PML: variants seen among roughly 807,000 people sequenced by gnomAD.
The protein encoded by PML is protein PML.
In PML, 28 loss-of-function variants were observed where a neutral mutation model predicts 65.2. The observed-to-expected ratio is 0.43, with a 90% CI of 0.32 to 0.59. The LOEUF (loss-of-function observed/expected upper bound fraction) is 0.59. PML is among the 20% of genes least tolerant of loss of function. The pLI, the probability that PML is intolerant of heterozygous loss-of-function variation, is 0.08. For missense variants in PML, 1,021 were observed against 1,203.4 expected, an observed-to-expected ratio of 0.85 and a Z score of 2.24; for synonymous variants, 500 against 508.8, an observed-to-expected ratio of 0.98 and a Z score of 0.23.
Position 74,022,916 on chromosome 15 carries a change from G to T in PML, c.691G>T (p.Ala231Ser). Residue 231 changes from alanine (A) to serine (S), a missense_variant, in exon 3 of 9, where the codon GCA (alanine) becomes TCA (serine). Transcript: ENST00000268058. ...SHSELKCDIS[A>S]EIQQRQEELD... ...CAGTGAGCTCAAGTGCGACATCAGC[G>T]CAGAGATCCAGCAGCGACAGGAGGA... is the stretch of plus-strand genomic sequence containing the variant. 6.2e-7 allele frequency: 1 copy of T among 1,612,778 alleles called. No individual in the cohort carries two copies. Among genetic ancestry groups the T allele is most frequent in the Non-Finnish European group, 8.5e-7 (1 of 1,179,558 alleles).
intron 2 of PML, among the ~76,000 whole-genome samples, chr15:74,020,462 C>T (rs948728139): frequency 6.6e-6 from 1 of 151,830 alleles, no homozygotes; most frequent in Non-Finnish European, 1.5e-5. Flanking sequence ...ATTCTTATCA[C>T]TGCCGGTGAG....
intron 2 of PML, among the ~76,000 whole-genome samples, chr15:74,002,021 A>C (rs1369161230): frequency 1.3e-5 from 2 of 151,916 alleles, no homozygotes; most frequent in Non-Finnish European, 2.9e-5. Context: ...AAAAAAAAGA[A>C]ATTTTTTTCT....
chr15:74,047,813 A>G lies in PML; in HGVS notation c.*2805A>G. 5.7e-6 allele frequency: 1 copy of G among 176,562 alleles called. No homozygotes were observed. The highest frequency in any genetic ancestry group is 9.6e-5 in the East Asian group (1 of 10,388). The allele number at this position is 176,562 out of a possible 1,614,324, so 10.9% of individuals were successfully genotyped here. On this transcript the variant is annotated 3_prime_UTR_variant, in exon 9 of 9. Coordinates refer to ENST00000268058, the MANE Select transcript of PML (RefSeq NM_033238.3). ...AAAATAAACACATTTTAGATCTTAG[A>G]AAAAAACAAAAAAACATGGGCTTGT...
At chr15:74,020,919 G>A (rs1453062872) in intron 2 of PML, among the ~76,000 whole-genome samples, 4 of 152,034 alleles carry the variant, frequency 2.6e-5, no homozygotes, top group Non-Finnish European at 5.9e-5. Context: ...AAGGATTCAC[G>A]TGATTACGTT....
In PML at chr15:74,042,722, C is replaced by G; in HGVS notation, c.1711-267C>G. 1 of 985,408 alleles carries G rather than the reference C, an allele frequency of 1.0e-6. No individual in the cohort carries two copies. Among genetic ancestry groups the G allele is most frequent in the Non-Finnish European group, 1.2e-6 (1 of 829,938 alleles). The allele number at this position is 985,408 out of a possible 1,614,324, so 61.0% of individuals were successfully genotyped here. A position where few individuals can be genotyped will look rare whatever the true frequency, so the allele number is the denominator to read the frequency against. On this transcript the variant is annotated intron_variant, in intron 7 of 8. Transcript: ENST00000268058. This position sits in a 1 kb window ranked among gnomAD's most constrained non-coding sequence, Gnocchi z 5.3. ...ACTTGGATTCATTCCCACACATGCACGTTCACAACCTGTGTGTGTCACCCT... is the reference window on the plus strand; with the variant it reads ...ACTTGGATTCATTCCCACACATGCAGGTTCACAACCTGTGTGTGTCACCCT...
chr15:74,006,407 A>AG (rs1555440234), intron 2 of PML, among the ~76,000 whole-genome samples: 58 of 151,068 alleles, frequency 3.8e-4, no homozygotes, highest in South Asian at 6.3e-4. Flanking sequence ...AAAAAAAAAA[A>AG]AAAGAAAGAA....
At chr15:74,039,881 G>A (rs2071657413) in intron 7 of PML, among the ~76,000 whole-genome samples, 1 of 152,178 alleles carries the variant, frequency 6.6e-6, no homozygotes, top group African/African-American at 2.4e-5. Context: ...CTTCCCTGAT[G>A]TACCTCCTGG....
Position 74,021,585 on chromosome 15 carries a change from CA to C in PML, c.603-1233del, listed in dbSNP as rs36056165. Among the ~76,000 whole-genome samples, 1,130 of 146,306 alleles carry C rather than the reference CA, an allele frequency of 7.7e-3. 8 individuals are homozygous for C. The highest frequency in any genetic ancestry group is 0.011 in the Non-Finnish European group (760 of 66,252). On this transcript the variant is annotated intron_variant, in intron 2 of 8. Transcript: ENST00000268058. ...GGGCAACAAGAGCGAAACTCCATCT[CA>C]AAAAAAAAATAACCAAATAAAAATA...
At chr15:74,040,699 C>CCACCTA (rs2071676742) in intron 7 of PML, among the ~76,000 whole-genome samples, 1 of 152,238 alleles carries the variant, frequency 6.6e-6, no homozygotes, top group African/African-American at 2.4e-5. Context: ...AGACCAGCTC[C>CCACCTA]ATGGGTGGCC....
At chr15:74,023,498 A>T in intron 3 of PML, 90 bp downstream of exon 3, 1 of 1,050,094 alleles carries the variant, frequency 9.5e-7, no homozygotes, top group Non-Finnish European at 1.4e-6. Context: ...CATTTGACAG[A>T]AAAGAAAACT....
At chr15:74,019,744 C>A (rs2070752128) in intron 2 of PML, among the ~76,000 whole-genome samples, 1 of 152,130 alleles carries the variant, frequency 6.6e-6, no homozygotes, top group South Asian at 2.1e-4. Context: ...TCATTGTATG[C>A]CAGTCATTTT....
chr15:74,008,082 T>G (rs2070149663), intron 2 of PML, among the ~76,000 whole-genome samples: 1 of 152,208 alleles, frequency 6.6e-6, no homozygotes, highest in East Asian at 1.9e-4. Flanking sequence ...AAAAGGCCAC[T>G]TACCCTGCTG....
chr15:73,994,838 C>A lies in PML; in HGVS notation c.26C>A (p.Pro9Gln). Residue 9 changes from proline (P) to glutamine (Q), a missense_variant, in exon 1 of 9, where the codon CCG (proline) becomes CAG (glutamine). Physicochemically the swap from Pro to Gln is moderately conservative, Grantham distance 76 (BLOSUM62 -1). Transcript: ENST00000268058. MEPAPARS[P>Q]RPQQDPARPQ... ...ATGGAGCCTGCACCCGCCCGATCTCCGAGGCCCCAGCAGGACCCCGCCCGG... is the reference window on the plus strand; with the variant it reads ...ATGGAGCCTGCACCCGCCCGATCTCAGAGGCCCCAGCAGGACCCCGCCCGG... 6.4e-7 allele frequency: 1 copy of A among 1,558,512 alleles called. No individual in the cohort carries two copies. Among genetic ancestry groups the A allele is most frequent in the East Asian group, 2.4e-5 (1 of 41,776 alleles).
At chr15:74,034,278 G>A in intron 6 of PML, 200 bp from the exon 7 acceptor site, 1 of 680,728 alleles carries the variant, frequency 1.5e-6, no homozygotes, top group Non-Finnish European at 2.6e-6. Context: ...AAGAAATTAT[G>A]GAAACCCATT....
chr15:74,042,262 C>A lies in PML; in HGVS notation c.1711-727C>A. The A allele has an allele frequency of 1.6e-6, 1 of 640,966 alleles. No homozygotes were observed. Among genetic ancestry groups the A allele is most frequent in the Non-Finnish European group, 1.9e-6 (1 of 515,086 alleles). 39.7% of individuals were successfully genotyped at this position (640,966 alleles called of 1,614,324 possible). On this transcript the variant is annotated intron_variant, in intron 7 of 8. Transcript: ENST00000268058. The surrounding 1 kb of genome is among the most constrained non-coding windows in gnomAD (Gnocchi z 5.3). ...CCAAAACTCAGGTTTCTCTAAGCTG[C>A]TGGGGCAGATGCCAAGAGCCTCCAC...
rs777161077 is a variant in PML at position 74,044,678 on chromosome 15, T to C, written c.2319T>C (p.Ser773=). Residue 773 remains serine, a synonymous_variant, in exon 9 of 9, where the codon AGT becomes AGC. Transcript: ENST00000268058. ...TGGCCCAGCATGTCTACCCCTTCAGTAGCCTGCAGTGCTTTGCCTCCCTGC... is the reference window on the plus strand; with the variant it reads ...TGGCCCAGCATGTCTACCCCTTCAGCAGCCTGCAGTGCTTTGCCTCCCTGC... ...PQLAQHVYPF[S]SLQCFASLQP... 7 of 1,606,422 alleles carry C rather than the reference T, an allele frequency of 4.4e-6. No individual in the cohort carries two copies. The highest frequency in any genetic ancestry group is 5.9e-6 in the Non-Finnish European group (7 of 1,179,928).
At chr15:74,017,217 T>G (rs1365751757) in intron 2 of PML, among the ~76,000 whole-genome samples, 1 of 152,222 alleles carries the variant, frequency 6.6e-6, no homozygotes, top group Non-Finnish European at 1.5e-5. Flanking sequence ...TTTTACACAT[T>G]TAACTTTGTG....
In PML at chr15:73,999,398, C is replaced by A. The variant is rs1421434496; in HGVS notation, c.602+922C>A. ...AACTCAGAACTATATATGGCTAAAC[C>A]ACATATTTGCTGAACTACATATCTG... On this transcript the variant is annotated intron_variant, in intron 2 of 8. Coordinates refer to ENST00000268058, the MANE Select transcript of PML (RefSeq NM_033238.3). Among the ~76,000 whole-genome samples the A allele has an allele frequency of 2.0e-5, 3 of 152,154 alleles. No homozygotes were observed. In the East Asian group the frequency reaches 5.8e-4, roughly 29 times the overall value.
rs1179988035 is a variant in PML at position 74,037,325 on chromosome 15, C to T, written c.1710+2795C>T. On this transcript the variant is annotated intron_variant, in intron 7 of 8. Coordinates refer to ENST00000268058, the MANE Select transcript of PML (RefSeq NM_033238.3). The surrounding 1 kb of genome is among the most constrained non-coding windows in gnomAD (Gnocchi z 4.2). ...AGATCCCCATCGCACCCCTTCCCTGCCCTCGTTAGGGTGGAAGGGATGTCC... is the reference window on the plus strand; with the variant it reads ...AGATCCCCATCGCACCCCTTCCCTGTCCTCGTTAGGGTGGAAGGGATGTCC... 8 of 985,288 alleles carry T rather than the reference C, an allele frequency of 8.1e-6. No individual in the cohort carries two copies. Among genetic ancestry groups the T allele is most frequent in the Non-Finnish European group, 9.6e-6 (8 of 829,916 alleles). The allele number at this position is 985,288 out of a possible 1,614,324, so 61.0% of individuals were successfully genotyped here. A position where few individuals can be genotyped will look rare whatever the true frequency, so the allele number is the denominator to read the frequency against.
Sources: allele counts gnomAD v4.1 joint callset (sites outside exome capture counted in the v4.1 genomes callset), GRCh38; gene constraint gnomAD v4.1.1; non-coding constraint Gnocchi (gnomAD v3.1); transcripts MANE v1.5; gene names NCBI Gene and HGNC (gene_info 2026-07-23, HGNC 2026-07-21).